TASP1: variants seen among roughly 807,000 people sequenced by gnomAD.
TASP1 encodes taspase 1.
In TASP1, 16 loss-of-function variants were observed where a neutral mutation model predicts 56.6. The ratio of observed to expected loss-of-function variants is 0.28; its 90% CI spans 0.19 to 0.43. The LOEUF is 0.43. Ranked by LOEUF, TASP1 falls within the 20% of genes least tolerant of loss-of-function variation. The pLI, the probability that TASP1 is intolerant of heterozygous loss-of-function variation, is 1.00. For missense variants in TASP1, 393 were observed against 511.6 expected (o/e 0.77, Z 2.24); for synonymous variants, 179 against 184.2 (o/e 0.97, Z 0.23).
chr20:13,542,855 T>C (rs2045673407), intron 8 of TASP1, among the ~76,000 whole-genome samples: 1 of 151,792 alleles, frequency 6.6e-6, no homozygotes, highest in African/African-American at 2.4e-5. Context: ...ATGTCCAAAA[T>C]TTTAACATCA....
chr20:13,355,251 A>G, the TASP1 span, among the ~76,000 whole-genome samples: 1 of 152,198 alleles, frequency 6.6e-6, no homozygotes, highest in East Asian at 1.9e-4. Context: ...TGTTTGAGTT[A>G]TATCCACATA....
chr20:13,117,637 T>C, the TASP1 span: 11 of 1,614,064 alleles, frequency 6.8e-6, no homozygotes, highest in East Asian at 1.8e-4. Context: ...ACGGAGTTCT[T>C]TGGACTAGAC....
intron 13 of TASP1, among the ~76,000 whole-genome samples, chr20:13,405,881 C>T (rs2041900578): frequency 6.6e-6 from 1 of 152,058 alleles, no homozygotes; most frequent in Admixed American, 6.6e-5. Flanking sequence ...CACAAATTTC[C>T]GTCTATAATT....
chr20:13,338,607 T>G, the TASP1 span, among the ~76,000 whole-genome samples: 1 of 152,166 alleles, frequency 6.6e-6, no homozygotes. Flanking sequence ...CAAAATACAG[T>G]AGGTTGCAAG....
the TASP1 span, among the ~76,000 whole-genome samples, chr20:13,301,440 T>C: frequency 6.6e-6 from 1 of 152,190 alleles, no homozygotes; most frequent in Non-Finnish European, 1.5e-5. Flanking sequence ...CTGCCTGCCT[T>C]GGCCTCCCAA....
the TASP1 span, among the ~76,000 whole-genome samples, chr20:13,307,612 AG>A: frequency 3.3e-3 from 499 of 152,312 alleles, 1 homozygote; most frequent in African/African-American, 0.011. Flanking sequence ...CTCCTCACCA[AG>A]AATAATCAGT....
the TASP1 span, among the ~76,000 whole-genome samples, chr20:13,340,301 T>C: frequency 6.6e-6 from 1 of 152,172 alleles, no homozygotes; most frequent in Non-Finnish European, 1.5e-5. Flanking sequence ...CCTGCAGGCA[T>C]CATTGCAACA....
chr20:13,393,163 T>G, intron 13 of TASP1: 1 of 675,686 alleles, frequency 1.5e-6, no homozygotes, highest in Non-Finnish European at 2.8e-6. Flanking sequence ...GCCAAAGCCA[T>G]CTATGACAAC....
chr20:13,174,200 T>G, the TASP1 span, among the ~76,000 whole-genome samples: 1 of 152,150 alleles, frequency 6.6e-6, no homozygotes, highest in Non-Finnish European at 1.5e-5. Flanking sequence ...TTTTAGAAAA[T>G]TATTGTTCAT....
chr20:13,512,197 G>A (rs954899356), intron 10 of TASP1, among the ~76,000 whole-genome samples: 1 of 152,126 alleles, frequency 6.6e-6, no homozygotes, highest in Non-Finnish European at 1.5e-5. Context: ...TTCCACAATG[G>A]TTGAACTAGT....
the TASP1 span, among the ~76,000 whole-genome samples, chr20:13,296,726 A>G: frequency 6.6e-6 from 1 of 152,184 alleles, no homozygotes; most frequent in African/African-American, 2.4e-5. Context: ...TTTGGTTAAG[A>G]TGCATTTTGT....
chr20:13,112,921 GC>G, the TASP1 span, among the ~76,000 whole-genome samples: 2 of 152,194 alleles, frequency 1.3e-5, no homozygotes, highest in Non-Finnish European at 2.9e-5. Flanking sequence ...AGTGGCTCAT[GC>G]CTGTAATCCT....
chr20:13,260,808 T>C, the TASP1 span, among the ~76,000 whole-genome samples: 1 of 152,156 alleles, frequency 6.6e-6, no homozygotes, highest in Non-Finnish European at 1.5e-5. Flanking sequence ...CTGGGTTCAC[T>C]AGCTTAAACC....
the TASP1 span, among the ~76,000 whole-genome samples, chr20:13,110,570 T>A: frequency 6.6e-6 from 1 of 152,164 alleles, no homozygotes; most frequent in African/African-American, 2.4e-5. Context: ...CTCCTTGCCT[T>A]TATGACTGGT....
the TASP1 span, among the ~76,000 whole-genome samples, chr20:13,176,595 T>C: frequency 6.6e-6 from 1 of 152,178 alleles, no homozygotes; most frequent in African/African-American, 2.4e-5. Flanking sequence ...TGATCTGTTG[T>C]TGGATTCAGT....
intron 7 of TASP1, among the ~76,000 whole-genome samples, chr20:13,566,088 A>T (rs950200314): frequency 2.0e-5 from 3 of 152,142 alleles, no homozygotes; most frequent in Non-Finnish European, 2.9e-5. Context: ...TAAGCCAATT[A>T]CAAAAGGACA....
At chr20:13,601,284 CAA>C (rs35228235) in intron 4 of TASP1, among the ~76,000 whole-genome samples, 16 of 138,470 alleles carry the variant, frequency 1.2e-4, no homozygotes, top group East Asian at 2.1e-4. Context: ...GCAACTGTCT[CAA>C]AAAAAAAAAA....
rs141646029 is a variant in TASP1 at position 13,592,631 on chromosome 20, T to C, written c.283-5261A>G. Among the ~76,000 whole-genome samples the C allele has an allele frequency of 1.7e-4, 26 of 152,304 alleles. No individual in the cohort carries two copies. In the East Asian group the frequency reaches 4.8e-3, roughly 28 times the overall value. On this transcript the variant is annotated intron_variant, in intron 4 of 13. Coordinates refer to ENST00000337743, the MANE Select transcript of TASP1 (RefSeq NM_017714.3). ...CCTAATCAGTCTGGCTTGATGTTGA[T>C]AAATTTTATTAATCTTTTAAAGAAC...
chr20:13,512,148 A>C lies in TASP1; in HGVS notation c.874+16285T>G, dbSNP rs183532994. On this transcript the variant is annotated intron_variant, in intron 10 of 13. Coordinates refer to ENST00000337743, the MANE Select transcript of TASP1 (RefSeq NM_017714.3). The stretch of plus-strand genomic sequence containing the variant: ...TAATGGGATGGCTGGGTCAAATGGT[A>C]TTTCTAGTTCTAGATCCCTGAGGAA... Among the ~76,000 whole-genome samples the C allele has an allele frequency of 2.4e-3, 359 of 152,208 alleles. 2 individuals carry two copies. Among genetic ancestry groups the C allele is most frequent in the African/African-American group, 7.9e-3 (330 of 41,546 alleles).
Sources: allele counts gnomAD v4.1 joint callset (sites outside exome capture counted in the v4.1 genomes callset), GRCh38; gene constraint gnomAD v4.1.1; transcripts MANE v1.5; gene names NCBI Gene and HGNC (gene_info 2026-07-23, HGNC 2026-07-21).